The following SLC7A14 variants were observed in gnomAD, a reference collection of about 807,000 sequenced individuals.
SLC7A14 encodes solute carrier family 7 member 14.
In SLC7A14, 37 loss-of-function variants were observed where a neutral mutation model predicts 60.2. The ratio of observed to expected loss-of-function variants is 0.61; its 90% CI spans 0.47 to 0.81. The LOEUF (loss-of-function observed/expected upper bound fraction) is 0.81, where lower values mean the gene tolerates loss of function less well. SLC7A14 is among the 30% of genes least tolerant of loss of function. The pLI is 0.00. For synonymous variants in SLC7A14, 399 were observed against 395.8 expected (o/e 1.01, Z -0.10); for missense variants, 886 against 982.7 (o/e 0.90, Z 1.32).
At chr3:170,548,334 C>T (rs1014838517) in intron 1 of SLC7A14, among the ~76,000 whole-genome samples, 3 of 152,164 alleles carry the variant, frequency 2.0e-5, no homozygotes, top group African/African-American at 7.2e-5. Flanking sequence ...GAAGTGGAGC[C>T]TGTGGCTTAA....
intron 1 of SLC7A14, among the ~76,000 whole-genome samples, chr3:170,577,648 A>AG (rs1160127626): frequency 6.7e-6 from 1 of 148,372 alleles, no homozygotes; most frequent in Non-Finnish European, 1.5e-5. Context: ...AAAAAAAAAA[A>AG]GAAAACCACA....
chr3:170,477,135 C>A (rs1711642517), intron 7 of SLC7A14, among the ~76,000 whole-genome samples: 1 of 152,220 alleles, frequency 6.6e-6, no homozygotes, highest in Admixed American at 6.5e-5. Flanking sequence ...AATGAGTCTG[C>A]TCAGAGGCAC....
Position 170,498,666 on chromosome 3 carries a change from C to T in SLC7A14, c.759+1G>A, listed in dbSNP as rs1712490196. 6.2e-7 allele frequency: 1 copy of T among 1,613,976 alleles called. No individual in the cohort carries two copies. The highest frequency in any genetic ancestry group is 1.1e-5 in the South Asian group (1 of 91,058). ...ACACCAGGTGTTTGGAACAAACTTA[C>T]CCCTGACCAGCCGTGGGGCAAGAAC... On this transcript the variant is annotated splice_donor_variant, in intron 4 of 7. Transcript: ENST00000231706. LOFTEE classifies it high-confidence loss of function.
Position 170,483,302 on chromosome 3 carries a change from C to A in SLC7A14, c.1115+12G>T. 3.7e-6 allele frequency: 6 copies of A among 1,613,892 alleles called. No individual in the cohort carries two copies. Among genetic ancestry groups the A allele is most frequent in the Non-Finnish European group, 5.1e-6 (6 of 1,179,870 alleles). On this transcript the variant is annotated intron_variant, in intron 6 of 7. Coordinates refer to ENST00000231706, the MANE Select transcript of SLC7A14 (RefSeq NM_020949.3). ...GCAGAGCAGGATAAATTTCATGGAG[C>A]ATAGCCCTTACCTGAAAAGGAGCCC...
At chr3:170,520,106 G>A (rs759981796) in intron 2 of SLC7A14, among the ~76,000 whole-genome samples, 1 of 152,230 alleles carries the variant, frequency 6.6e-6, no homozygotes, top group Non-Finnish European at 1.5e-5. Flanking sequence ...CAGTAGCAGA[G>A]TAGCAGAATG....
rs764817012 is a variant in SLC7A14 at position 170,460,513 on chromosome 3, C to T, written c.*6542G>A. ...CTCGCCTTTGGGAGTGTGAATGAGA[C>T]AAGCGTATCAGCAACTGCCAAGACC... is the stretch of plus-strand genomic sequence containing the variant. On this transcript the variant is annotated 3_prime_UTR_variant, in exon 8 of 8. Coordinates refer to ENST00000231706, the MANE Select transcript of SLC7A14 (RefSeq NM_020949.3). 2.6e-5 allele frequency: 4 copies of T among 152,184 alleles called. No individual in the cohort carries two copies. Among genetic ancestry groups the T allele is most frequent in the Non-Finnish European group, 4.4e-5 (3 of 68,040 alleles). The allele number at this position is 152,184 out of a possible 1,614,324, so 9.4% of individuals were successfully genotyped here. A position where few individuals can be genotyped will look rare whatever the true frequency, so the allele number is the denominator to read the frequency against.
Position 170,531,238 on chromosome 3 carries a change from C to T in SLC7A14, c.-152-4150G>A, listed in dbSNP as rs78601234. On this transcript the variant is annotated intron_variant, in intron 1 of 7. Transcript: ENST00000231706. Reference sequence around the variant, plus strand: ...CAGGAGGCCACTACTCTGACAGGTACTTCCGGTTTCCTTCCCTGGGCAGGT... The same window carrying T: ...CAGGAGGCCACTACTCTGACAGGTATTTCCGGTTTCCTTCCCTGGGCAGGT... 6.9e-3 allele frequency among the ~76,000 whole-genome samples: 1,054 copies of T among 152,168 alleles called. 14 individuals are homozygous for T. Among genetic ancestry groups the T allele is most frequent in the African/African-American group, 0.024 (994 of 41,520 alleles).
rs973329989 is a variant in SLC7A14, at chr3:170,567,165, C to G, written c.-153+18746G>C. On this transcript the variant is annotated intron_variant, in intron 1 of 7. Transcript: ENST00000231706. ...TAAAGCTATCCCTCCCCCCTCCCCC[C>G]ACCCCACAACAGTCCCCAGAATGTG... Among the ~76,000 whole-genome samples the G allele has an allele frequency of 1.2e-4, 14 of 121,708 alleles. No individual in the cohort carries two copies. The Admixed American group carries it at 1.2e-3, about 11-fold the overall frequency. 79.8% of individuals were successfully genotyped at this position (121,708 alleles called of 152,430 possible). A position where few individuals can be genotyped will look rare whatever the true frequency, so the allele number is the denominator to read the frequency against.
At chr3:170,551,826 T>G (rs1714361452) in intron 1 of SLC7A14, among the ~76,000 whole-genome samples, 1 of 152,252 alleles carries the variant, frequency 6.6e-6, no homozygotes, top group Non-Finnish European at 1.5e-5. Flanking sequence ...TAAACCATTC[T>G]GTGCTTTTCC....
rs1484086925 is a variant in SLC7A14, at chr3:170,480,743, G to A, written c.1539C>T (p.Thr513=). 6 of 1,614,046 alleles carry A rather than the reference G, an allele frequency of 3.7e-6. No homozygotes were observed. The highest frequency in any genetic ancestry group is 5.1e-6 in the Non-Finnish European group (6 of 1,180,032). The part of the protein sequence containing the change: ...TYNVNHPNYG[T]VDMTTGIEAD... ...CTTCTATGCCTGTGGTCATGTCCAC[G>A]GTGCCGTAATTGGGGTGGTTGACGT... Residue 513 remains threonine (T), a synonymous_variant, in exon 7 of 8, where the codon ACC becomes ACT. Coordinates refer to ENST00000231706, the MANE Select transcript of SLC7A14 (RefSeq NM_020949.3).
chr3:170,490,171 A>G (rs1170841782), intron 4 of SLC7A14, among the ~76,000 whole-genome samples: 4 of 152,208 alleles, frequency 2.6e-5, no homozygotes, highest in East Asian at 1.9e-4. Context: ...CTTATTTCAC[A>G]TTGCATGCCT....
chr3:170,496,564 T>C (rs982188607), intron 4 of SLC7A14: 1 of 1,599,186 alleles, frequency 6.3e-7, no homozygotes, highest in African/African-American at 1.3e-5. Flanking sequence ...CAGGAGCTGA[T>C]GAACGTCAAA....
At chr3:170,559,389 A>G (rs1197782557) in intron 1 of SLC7A14, among the ~76,000 whole-genome samples, 2 of 152,234 alleles carry the variant, frequency 1.3e-5, no homozygotes, top group East Asian at 3.8e-4. Context: ...GTTACTATAA[A>G]AATAATAATT....
chr3:170,470,881 T>C (rs1006128211), intron 7 of SLC7A14, among the ~76,000 whole-genome samples: 1 of 152,084 alleles, frequency 6.6e-6, no homozygotes, highest in Non-Finnish European at 1.5e-5. Context: ...TTAGTTGGCT[T>C]AGAGAATGAA....
At position 170,459,721 on chromosome 3, in the gene SLC7A14, A is replaced by G. The variant is rs1000999434; in HGVS notation, c.*7334T>C. 1 of 152,220 alleles carries G rather than the reference A, an allele frequency of 6.6e-6. No homozygotes were observed. The highest frequency in any genetic ancestry group is 2.1e-4 in the South Asian group (1 of 4,838). 9.4% of individuals were successfully genotyped at this position (152,220 alleles called of 1,614,324 possible). ...TTCACTTATTCATCTCCATTTAAGA[A>G]TGGAAAAAAAGTAACAGACTTCAGA... On this transcript the variant is annotated 3_prime_UTR_variant, in exon 8 of 8. Transcript: ENST00000231706.
chr3:170,544,976 G>C (rs1714134763), intron 1 of SLC7A14, among the ~76,000 whole-genome samples: 1 of 152,202 alleles, frequency 6.6e-6, no homozygotes, highest in South Asian at 2.1e-4. Context: ...GTGGCCACTA[G>C]CTACATGTGG....
intron 1 of SLC7A14, among the ~76,000 whole-genome samples, chr3:170,542,441 G>T (rs1477150385): frequency 6.6e-6 from 1 of 152,184 alleles, no homozygotes; most frequent in African/African-American, 2.4e-5. Context: ...CTCCTGGACT[G>T]TGTCTGCTCT....
At chr3:170,518,532 T>C (rs752167739) in intron 2 of SLC7A14, among the ~76,000 whole-genome samples, 2 of 152,178 alleles carry the variant, frequency 1.3e-5, no homozygotes, top group Non-Finnish European at 2.9e-5. Flanking sequence ...CTTCCCTGCC[T>C]CCATTCTCTT....
In SLC7A14 at chr3:170,461,342, T is replaced by C. The variant is rs538247521; in HGVS notation, c.*5713A>G. On this transcript the variant is annotated 3_prime_UTR_variant, in exon 8 of 8. Coordinates refer to ENST00000231706, the MANE Select transcript of SLC7A14 (RefSeq NM_020949.3). ...TAAAAAAAAGAACACTCTATTTTCT[T>C]AGAGAAGTAATTTTGGCAAAAGGCG... 5 of 152,312 alleles carry C rather than the reference T, an allele frequency of 3.3e-5. No homozygotes were observed. Among genetic ancestry groups the C allele is most frequent in the South Asian group, 2.1e-4 (1 of 4,832 alleles). The allele number at this position is 152,312 out of a possible 1,614,324, so 9.4% of individuals were successfully genotyped here. A position where few individuals can be genotyped will look rare whatever the true frequency, so the allele number is the denominator to read the frequency against.
Sources: allele counts gnomAD v4.1 joint callset (sites outside exome capture counted in the v4.1 genomes callset), GRCh38; gene constraint gnomAD v4.1.1; transcripts MANE v1.5; gene names NCBI Gene and HGNC (gene_info 2026-07-23, HGNC 2026-07-21).